PACRGL: variants seen among roughly 807,000 people sequenced by gnomAD.
PACRGL encodes the protein PACRG-like protein.
A neutral mutation model predicts 34.5 loss-of-function variants in PACRGL; 38 were observed. The ratio of observed to expected loss-of-function variants is 1.10; its 90% CI spans 0.85 to 1.44. The LOEUF (loss-of-function observed/expected upper bound fraction) is 1.44, where lower values mean the gene tolerates loss of function less well. Among genes scored for constraint, PACRGL ranks in the 40% most tolerant of loss-of-function variants. The pLI, the probability that PACRGL is intolerant of heterozygous loss-of-function variation, is 0.00. For synonymous variants in PACRGL, 128 were observed against 100.1 expected (o/e 1.28, Z -1.66); for missense variants, 305 against 281.4 (o/e 1.08, Z -0.60).
rs188471912 is a variant in PACRGL at position 20,719,076 on chromosome 4, G to C, written c.609+5537G>C. 3.0e-3 allele frequency: 453 copies of C among 152,274 alleles called. 2 individuals are homozygous for C. The highest frequency in any genetic ancestry group is 0.01 in the African/African-American group (428 of 41,548). The allele number at this position is 152,274 out of a possible 1,614,324, so 9.4% of individuals were successfully genotyped here. A position where few individuals can be genotyped will look rare whatever the true frequency, so the allele number is the denominator to read the frequency against. Reference sequence around the variant, plus strand: ...AGTCTTGGGAGGGTGTATGTGTCCAGGAATTCATCCATTTCTGCAAGATTT... The same window carrying C: ...AGTCTTGGGAGGGTGTATGTGTCCACGAATTCATCCATTTCTGCAAGATTT... On this transcript the variant is annotated intron_variant, in intron 7 of 8. Transcript: ENST00000503585.
intron 7 of PACRGL, among the ~76,000 whole-genome samples, chr4:20,715,204 A>G (rs1006858283): frequency 1.3e-5 from 2 of 152,100 alleles, no homozygotes; most frequent in African/African-American, 2.4e-5. Flanking sequence ...GTTCTCACTC[A>G]TAGGTGGGAA....
chr4:20,722,143 C>T (rs1204230160), intron 7 of PACRGL, among the ~76,000 whole-genome samples: 2 of 152,236 alleles, frequency 1.3e-5, no homozygotes, highest in Non-Finnish European at 2.9e-5. Context: ...GATATAATCT[C>T]CTGGTGTGCT....
the PACRGL span, among the ~76,000 whole-genome samples, chr4:20,760,294 T>C: frequency 6.6e-6 from 1 of 152,190 alleles, no homozygotes; most frequent in Admixed American, 6.5e-5. Context: ...AATGGTGTGC[T>C]AACTCCCCAA....
chr4:20,734,506 T>A (rs531804998), downstream of PACRGL: 1 of 516,712 alleles, frequency 1.9e-6, no homozygotes, highest in Non-Finnish European at 3.4e-6. Context: ...TTTCTTCCAC[T>A]ACATAAAATA....
Position 20,730,076 on chromosome 4 carries a change from G to GACAAGTTAAATCACATTTTCAAAGAGCT in PACRGL, c.*2736_*2763dup. 1 of 1,607,318 alleles carries GACAAGTTAAATCACATTTTCAAAGAGCT rather than the reference G, an allele frequency of 6.2e-7. No individual in the cohort carries two copies. The highest frequency in any genetic ancestry group is 8.5e-7 in the Non-Finnish European group (1 of 1,177,738). On this transcript the variant is annotated 3_prime_UTR_variant, in exon 9 of 9. Coordinates refer to ENST00000503585, the MANE Select transcript of PACRGL (RefSeq NM_001258345.3). Reference sequence around the variant, plus strand: ...TGTCTGTTGGATTCAGGATCTATTTGACAAGTTAAATCACATTTTCAAAGA... The same window carrying GACAAGTTAAATCACATTTTCAAAGAGCT: ...TGTCTGTTGGATTCAGGATCTATTTGACAAGTTAAATCACATTTTCAAAGAGCTACAAGTTAAATCACATTTTCAAAGA...
intron 7 of PACRGL, among the ~76,000 whole-genome samples, chr4:20,713,873 T>C (rs1316271548): frequency 2.6e-5 from 4 of 152,228 alleles, no homozygotes; most frequent in African/African-American, 7.2e-5. Context: ...AAGTTTGTTA[T>C]GATTTCTGTT....
chr4:20,715,329 C>G (rs958417052), intron 7 of PACRGL, among the ~76,000 whole-genome samples: 1 of 151,650 alleles, frequency 6.6e-6, no homozygotes, highest in South Asian at 2.1e-4. Context: ...TGCTAAATGA[C>G]GAGTTAATGG....
chr4:20,723,309 T>C (rs577624167), intron 7 of PACRGL, among the ~76,000 whole-genome samples: 55 of 152,294 alleles, frequency 3.6e-4, no homozygotes, highest in Middle Eastern at 6.8e-3. Flanking sequence ...TAATAATCTC[T>C]TGCACTCTGC....
rs569886367 is a variant in PACRGL, at chr4:20,741,596, C to G, written c.*57-10969C>G. ...TGTGTAGAGGGAAATTTATAGCACTCAAAGCCCACAAGAGAAAGCAGGAAA... is the reference window on the plus strand; with the variant it reads ...TGTGTAGAGGGAAATTTATAGCACTGAAAGCCCACAAGAGAAAGCAGGAAA... On this transcript the variant is annotated intron_variant, in intron 8 of 8. Coordinates refer to the PACRGL transcript ENST00000507634. Among the ~76,000 whole-genome samples the G allele has an allele frequency of 2.0e-4, 31 of 152,232 alleles. 1 individual carries two copies. In the South Asian group the frequency reaches 5.0e-3, roughly 24 times the overall value.
At chr4:20,707,710 C>T (rs908956058) in intron 3 of PACRGL, 93 bp from the exon 4 acceptor site, 13 of 981,332 alleles carry the variant, frequency 1.3e-5, no homozygotes, top group East Asian at 4.9e-5. Context: ...CGGTGCGCTT[C>T]GATACCAGCT....
intron 5 of PACRGL, among the ~76,000 whole-genome samples, chr4:20,712,542 G>T (rs1437092440): frequency 6.6e-6 from 1 of 151,948 alleles, no homozygotes; most frequent in African/African-American, 2.4e-5. Flanking sequence ...AAGAACTTTA[G>T]TATCCACGGG....
intron 8 of PACRGL, among the ~76,000 whole-genome samples, chr4:20,740,102 C>T (rs1273351782): frequency 3.3e-5 from 5 of 152,104 alleles, no homozygotes; most frequent in African/African-American, 9.7e-5. Flanking sequence ...GCCAAATCTA[C>T]GTCTGATTGG....
chr4:20,716,071 T>A (rs770443383), intron 7 of PACRGL: 1 of 1,502,106 alleles, frequency 6.7e-7, no homozygotes. Context: ...TTTCCTGATA[T>A]GTATAACTTT....
At chr4:20,733,789 T>C (rs1026575382), downstream of PACRGL, among the ~76,000 whole-genome samples, 1 of 152,316 alleles carries the variant, frequency 6.6e-6, no homozygotes, top group Non-Finnish European at 1.5e-5. Context: ...TGGCACCCAC[T>C]AGTGATACCT....
chr4:20,731,768 T>C lies in PACRGL; in HGVS notation c.*4427T>C, dbSNP rs1384980708. On this transcript the variant is annotated 3_prime_UTR_variant, in exon 9 of 9. Coordinates refer to ENST00000503585, the MANE Select transcript of PACRGL (RefSeq NM_001258345.3). The stretch of plus-strand genomic sequence containing the variant: ...GGAATTTGGGAATCAACACAGTACA[T>C]GTACAACTTTTGTATCCCCAGGGTT... 1.0e-6 allele frequency: 1 copy of C among 985,310 alleles called. No homozygotes were observed. The allele number at this position is 985,310 out of a possible 1,614,324, so 61.0% of individuals were successfully genotyped here.
At chr4:20,749,766 G>A (rs1560433113) in intron 8 of PACRGL, 5 of 1,435,082 alleles carry the variant, frequency 3.5e-6, no homozygotes, top group Non-Finnish European at 4.9e-6. Context: ...CATTAAGTCA[G>A]TGTTTCCATA....
At chr4:20,696,828 T>A (rs1731263710), upstream of PACRGL, among the ~76,000 whole-genome samples, 1 of 152,222 alleles carries the variant, frequency 6.6e-6, no homozygotes, top group Admixed American at 6.5e-5. Flanking sequence ...GTGCTATACA[T>A]GTAAAATACA....
chr4:20,743,368 T>A (rs1751638223), intron 8 of PACRGL, among the ~76,000 whole-genome samples: 1 of 152,152 alleles, frequency 6.6e-6, no homozygotes, highest in Non-Finnish European at 1.5e-5. Flanking sequence ...GACTTCAAAC[T>A]ATACTACAAG....
At chr4:20,753,614 C>T (rs573336279), downstream of PACRGL, among the ~76,000 whole-genome samples, 5 of 152,150 alleles carry the variant, frequency 3.3e-5, no homozygotes, top group South Asian at 8.3e-4. Flanking sequence ...AATTCAAGCA[C>T]GAGGAATAGA....
Sources: allele counts gnomAD v4.1 joint callset (sites outside exome capture counted in the v4.1 genomes callset), GRCh38; gene constraint gnomAD v4.1.1; transcripts MANE v1.5; gene names NCBI Gene and HGNC (gene_info 2026-07-23, HGNC 2026-07-21).